THRA: variants seen among roughly 807,000 people sequenced by gnomAD.
THRA encodes the protein thyroid hormone receptor alpha, also known as EAR-7.
THRA carries 13 observed loss-of-function variants against 45.0 expected under a neutral mutation model. That is an observed-to-expected ratio of 0.29 (90% CI 0.19 to 0.46). The LOEUF (loss-of-function observed/expected upper bound fraction) is 0.46. Among genes scored for constraint, THRA ranks in the 20% least tolerant of loss-of-function variants. The pLI is 1.00. For missense variants in THRA, 278 were observed against 556.1 expected, an observed-to-expected ratio of 0.50 and a Z score of 5.03; for synonymous variants, 195 against 214.0, an observed-to-expected ratio of 0.91 and a Z score of 0.78.
rs71152640 is a variant in THRA, at chr17:40,091,231, TACACACACACACAC to T, written c.*1802_*1815del. The T allele has an allele frequency of 7.1e-3, 1,008 of 142,358 alleles. 18 individuals are homozygous for T. The highest frequency in any genetic ancestry group is 0.025 in the African/African-American group (961 of 38,120). 8.8% of individuals were successfully genotyped at this position (142,358 alleles called of 1,614,324 possible). A position where few individuals can be genotyped will look rare whatever the true frequency, so the allele number is the denominator to read the frequency against. ...TGACCCTCAGCCTGCCACAGCCCCC[TACACACACACACAC>T]ACACACACACACACACACACACACA... On this transcript the variant is annotated 3_prime_UTR_variant, in exon 9 of 9. Coordinates refer to ENST00000450525, the MANE Select transcript of THRA (RefSeq NM_199334.5).
In THRA at chr17:40,088,567, G is replaced by A; in HGVS notation, c.982+67G>A. 3 of 1,543,638 alleles carry A rather than the reference G, an allele frequency of 1.9e-6. No homozygotes were observed. The South Asian group carries it at 3.7e-5, about 19-fold the overall frequency. ...GTCCCAGAGATTGGCTGGACCCTGG[G>A]CCTGTTGCTCAACTCCCTCCTGAAT... is the stretch of plus-strand genomic sequence containing the variant. On this transcript the variant is annotated intron_variant, in intron 8 of 8. Transcript: ENST00000450525.
chr17:40,070,858 C>T (rs1013398806), intron 1 of THRA, among the ~76,000 whole-genome samples: 9 of 151,006 alleles, frequency 6.0e-5, no homozygotes, highest in African/African-American at 2.0e-4. Flanking sequence ...AGACAGGGTA[C>T]GAAGCCCCCC....
rs530568508 is a variant in THRA at position 40,076,900 on chromosome 17, G to A, written c.83G>A (p.Arg28Lys). Residue 28 changes from arginine (R) to lysine (K), a missense_variant, in exon 3 of 9, where the codon AGA (arginine) becomes AAA (lysine). Around this residue, in one of 6 missense-constraint regions of THRA, gnomAD observed 34 missense variants for 39.7 expected, o/e 0.86. Coordinates refer to ENST00000450525, the MANE Select transcript of THRA (RefSeq NM_199334.5). ...AGGTCACCAGATGGAAAGCGAAAAA[G>A]AAAGAACGGCCAATGTTCCCTGAAA... ...SARSPDGKRK[R>K]KNGQCSLKTS... 9.9e-5 allele frequency: 159 copies of A among 1,614,130 alleles called. 2 individuals are homozygous for A. In the South Asian group the frequency reaches 1.7e-3, roughly 17 times the overall value.
chr17:40,078,410 G>A (rs1042300473), intron 4 of THRA, among the ~76,000 whole-genome samples: 3 of 152,200 alleles, frequency 2.0e-5, no homozygotes, highest in African/African-American at 7.2e-5. Context: ...GAACCCAGAA[G>A]GTCAGGGCTG....
In THRA at chr17:40,076,944, G is replaced by T; in HGVS notation, c.121+6G>T. ...CCTGAAAACCAGCATGTCAGGTGAG[G>T]CTGGCTGTGCGTGCCCCTTCTCCAC... On this transcript the variant is annotated splice_donor_region_variant and intron_variant, in intron 3 of 8. Transcript: ENST00000450525. 6.2e-7 allele frequency: 1 copy of T among 1,613,874 alleles called. No homozygotes were observed. The highest frequency in any genetic ancestry group is 2.2e-5 in the East Asian group (1 of 44,872).
At position 40,089,652 on chromosome 17, in the gene THRA, A is replaced by G. The variant is rs1175283203; in HGVS notation, c.*196A>G. On this transcript the variant is annotated 3_prime_UTR_variant, in exon 9 of 9. Coordinates refer to ENST00000450525, the MANE Select transcript of THRA (RefSeq NM_199334.5). This position sits in a 1 kb window ranked among gnomAD's most constrained non-coding sequence, Gnocchi z 6.1. ...CTCCAGCCCTGGGACAGGGCAAACA[A>G]CTGAACTTGCTATGGAAAGGACAGT... 1.1e-5 allele frequency: 15 copies of G among 1,411,352 alleles called. No individual in the cohort carries two copies. Among genetic ancestry groups the G allele is most frequent in the African/African-American group, 2.9e-5 (2 of 69,054 alleles). The allele number at this position is 1,411,352 out of a possible 1,614,324, so 87.4% of individuals were successfully genotyped here.
In THRA at chr17:40,083,505, G is replaced by A. The variant is rs147122564; in HGVS notation, c.223-330G>A. ...TGGGATTACATGCGTGCGCCACCGC[G>A]CCCGGCGACTTGGATTTCCAAAGCT... On this transcript the variant is annotated intron_variant, in intron 4 of 8. Coordinates refer to ENST00000450525, the MANE Select transcript of THRA (RefSeq NM_199334.5). 8.7e-3 allele frequency among the ~76,000 whole-genome samples: 1,330 copies of A among 152,350 alleles called. 18 individuals are homozygous for A. Among genetic ancestry groups the A allele is most frequent in the African/African-American group, 0.03 (1,228 of 41,578 alleles).
At chr17:40,065,775 G>C (rs926858952) in intron 1 of THRA, among the ~76,000 whole-genome samples, 3 of 74,218 alleles carry the variant, frequency 4.0e-5, no homozygotes, top group East Asian at 3.3e-4. Context: ...TGGGGGAAGG[G>C]GGGGGGGGTC....
chr17:40,065,777 G>C (rs1053359222), intron 1 of THRA, among the ~76,000 whole-genome samples: 2 of 151,962 alleles, frequency 1.3e-5, no homozygotes, highest in Non-Finnish European at 2.9e-5. Flanking sequence ...GGGGAAGGGG[G>C]GGGGGGTCAG....
In THRA at chr17:40,089,176, C is replaced by T. The variant is rs374739696; in HGVS notation, c.983-30C>T. On this transcript the variant is annotated intron_variant, in intron 8 of 8. Coordinates refer to ENST00000450525, the MANE Select transcript of THRA (RefSeq NM_199334.5). The surrounding 1 kb of genome is among the most constrained non-coding windows in gnomAD (Gnocchi z 6.1). ...CCATCTCCAGGCCTTCGGCCAGCCCCTCGCCCCTCACGCCCCTCTTCCCTC... is the reference window on the plus strand; with the variant it reads ...CCATCTCCAGGCCTTCGGCCAGCCCTTCGCCCCTCACGCCCCTCTTCCCTC... 5.0e-6 allele frequency: 8 copies of T among 1,608,860 alleles called. No individual in the cohort carries two copies. Among genetic ancestry groups the T allele is most frequent in the Non-Finnish European group, 6.8e-6 (8 of 1,176,902 alleles).
intron 1 of THRA, among the ~76,000 whole-genome samples, chr17:40,065,709 C>T (rs1211585216): frequency 2.7e-5 from 4 of 147,192 alleles, no homozygotes; most frequent in Admixed American, 6.9e-5. Flanking sequence ...CTGCTCAGGA[C>T]TTCCTGCACT....
intron 1 of THRA, among the ~76,000 whole-genome samples, chr17:40,066,049 C>T (rs1986550909): frequency 6.6e-6 from 1 of 152,204 alleles, no homozygotes; most frequent in South Asian, 2.1e-4. Flanking sequence ...CAGAGATGCC[C>T]AACAGCTGTG....
chr17:40,069,301 C>T (rs942155363), intron 1 of THRA, among the ~76,000 whole-genome samples: 2 of 150,202 alleles, frequency 1.3e-5, no homozygotes, highest in Admixed American at 6.6e-5. Flanking sequence ...GTCTCTGTCT[C>T]TCTCTCTCTG....
At position 40,089,816 on chromosome 17, in the gene THRA, C is replaced by T. The variant is rs887832708; in HGVS notation, c.*360C>T. ...AGGAATGTGGGCTGGGGGAAGATGCCCTCAACTCACCCCCTACACACACAT... is the reference window on the plus strand; with the variant it reads ...AGGAATGTGGGCTGGGGGAAGATGCTCTCAACTCACCCCCTACACACACAT... On this transcript the variant is annotated 3_prime_UTR_variant, in exon 9 of 9. Coordinates refer to ENST00000450525, the MANE Select transcript of THRA (RefSeq NM_199334.5). This position sits in a 1 kb window ranked among gnomAD's most constrained non-coding sequence, Gnocchi z 6.1. 4 of 1,130,518 alleles carry T rather than the reference C, an allele frequency of 3.5e-6. No homozygotes were observed. In the African/African-American group the frequency reaches 6.5e-5, roughly 18 times the overall value. The allele number at this position is 1,130,518 out of a possible 1,614,324, so 70.0% of individuals were successfully genotyped here.
At chr17:40,075,139 C>T (rs371504038) in intron 2 of THRA, among the ~76,000 whole-genome samples, 11 of 152,386 alleles carry the variant, frequency 7.2e-5, no homozygotes, top group African/African-American at 2.6e-4. Flanking sequence ...GAGGTGTCAG[C>T]CCTGCACATA....
intron 4 of THRA, among the ~76,000 whole-genome samples, 192 bp downstream of exon 4, chr17:40,077,800 G>T (rs921552343): frequency 1.3e-5 from 2 of 152,012 alleles, no homozygotes; most frequent in African/African-American, 4.8e-5. Context: ...AGGTTCAAGT[G>T]ATTCCCCTAC....
chr17:40,068,609 C>G (rs1375753821), intron 1 of THRA, among the ~76,000 whole-genome samples: 1 of 152,232 alleles, frequency 6.6e-6, no homozygotes, highest in Non-Finnish European at 1.5e-5. Context: ...GTTACTGGTG[C>G]CCAGGAAATA....
intron 8 of THRA, 138 bp downstream of exon 8, chr17:40,088,638 C>T: frequency 9.2e-7 from 1 of 1,088,120 alleles, no homozygotes; most frequent in Non-Finnish European, 1.3e-6. Context: ...CCCCTATCCC[C>T]TGTTCCTTGC....
At chr17:40,093,766 G>C, downstream of THRA, 1 of 718,866 alleles carries the variant, frequency 1.4e-6, no homozygotes, top group South Asian at 1.8e-5. The surrounding 1 kb of genome is among the most constrained non-coding windows in gnomAD (Gnocchi z 5.9). Context: ...GCATGAGTCT[G>C]TTTCCCAAGC....
Sources: allele counts gnomAD v4.1 joint callset (sites outside exome capture counted in the v4.1 genomes callset), GRCh38; gene constraint gnomAD v4.1.1; regional missense constraint gnomAD v4.1.1; non-coding constraint Gnocchi (gnomAD v3.1); transcripts MANE v1.5; gene names NCBI Gene and HGNC (gene_info 2026-07-23, HGNC 2026-07-21).